Variants in TTC29 observed in about 807,000 individuals in gnomAD.
TTC29 encodes the protein tetratricopeptide repeat protein 29.
A neutral mutation model predicts 58.1 loss-of-function variants in TTC29; 49 were observed. The ratio of observed to expected loss-of-function variants is 0.84; its 90% CI spans 0.67 to 1.07. The LOEUF is 1.07. Ranked by LOEUF, TTC29 falls within the 50% of genes least tolerant of loss-of-function variation. The pLI, the probability that TTC29 is intolerant of heterozygous loss-of-function variation, is 0.00. For missense variants in TTC29, 582 were observed against 555.6 expected (o/e 1.05, Z -0.48); for synonymous variants, 209 against 196.8 (o/e 1.06, Z -0.52).
At chr4:146,817,723 A>G (rs1751510640) in intron 10 of TTC29, among the ~76,000 whole-genome samples, 1 of 152,238 alleles carries the variant, frequency 6.6e-6, no homozygotes, top group African/African-American at 2.4e-5. Context: ...TGGTACTTGT[A>G]CCAAAACAGA....
rs77676808 is a variant in TTC29, at chr4:146,726,997, C to T, written c.1331-19446G>A. Among the ~76,000 whole-genome samples the T allele has an allele frequency of 5.5e-3, 831 of 151,874 alleles. 61 individuals carry two copies. The East Asian group carries it at 0.13, about 24-fold the overall frequency. ...TTGATCCCACTTACTTACTTCCTTT[C>T]CTCTAGAGGCAACCACTGTTACTGT... On this transcript the variant is annotated intron_variant, in intron 11 of 12. Coordinates refer to ENST00000325106, the MANE Select transcript of TTC29 (RefSeq NM_031956.4).
intron 6 of TTC29, among the ~76,000 whole-genome samples, chr4:146,895,140 G>C (rs751611637): frequency 6.6e-6 from 1 of 152,158 alleles, no homozygotes; most frequent in African/African-American, 2.4e-5. Flanking sequence ...CTATGTCCCT[G>C]CAAGGGACAT....
At position 146,935,813 on chromosome 4, in the gene TTC29, T is replaced by C. The variant is rs1035162883; in HGVS notation, c.176+1781A>G. 3.9e-4 allele frequency among the ~76,000 whole-genome samples: 60 copies of C among 152,354 alleles called. 1 individual carries two copies. The highest frequency in any genetic ancestry group is 1.4e-3 in the African/African-American group (57 of 41,582). Reference sequence around the variant, plus strand: ...TAAATGTTTGTTGATCAATTTATCTTTTTAGAGCTGAATGGCTATAAAGAG... The same window carrying C: ...TAAATGTTTGTTGATCAATTTATCTCTTTAGAGCTGAATGGCTATAAAGAG... On this transcript the variant is annotated intron_variant, in intron 4 of 12. Transcript: ENST00000325106.
intron 4 of TTC29, among the ~76,000 whole-genome samples, chr4:146,911,231 A>G (rs1733876035): frequency 6.6e-6 from 1 of 152,174 alleles, no homozygotes; most frequent in South Asian, 2.1e-4. Context: ...AAGGGACTTA[A>G]TATTCCAGTG....
At chr4:146,763,438 A>G (rs1488676704) in intron 11 of TTC29, among the ~76,000 whole-genome samples, 3 of 152,060 alleles carry the variant, frequency 2.0e-5, no homozygotes, top group Non-Finnish European at 4.4e-5. Flanking sequence ...TATAGATCTC[A>G]GGCCTCCCAG....
intron 11 of TTC29, among the ~76,000 whole-genome samples, chr4:146,741,485 T>C (rs1278645675): frequency 6.6e-6 from 1 of 151,584 alleles, no homozygotes; most frequent in East Asian, 1.9e-4. Context: ...TAAAAAATTG[T>C]TCTTTTTTTT....
rs528127988 is a variant in TTC29, at chr4:146,831,270, T to C, written c.977+2536A>G. On this transcript the variant is annotated intron_variant, in intron 9 of 12. Transcript: ENST00000325106. ...AGTAGATGGGAATTCTTTTTTTAAT[T>C]AATTAAAAAAAATAGATAGGTTCTC... is the stretch of plus-strand genomic sequence containing the variant. 2.1e-4 allele frequency among the ~76,000 whole-genome samples: 32 copies of C among 152,204 alleles called. No homozygotes were observed. In the South Asian group the frequency reaches 6.7e-3, roughly 32 times the overall value.
At chr4:146,917,612 A>ATAATATCTAATTGGATATT (rs1229139204) in intron 4 of TTC29, among the ~76,000 whole-genome samples, 1 of 144,386 alleles carries the variant, frequency 6.9e-6, no homozygotes, top group Non-Finnish European at 1.5e-5. Context: ...TATTATTTAT[A>ATAATATCTAATTGGATATT]ATATATAATT....
intron 10 of TTC29, among the ~76,000 whole-genome samples, chr4:146,807,381 A>T (rs1356566306): frequency 6.6e-6 from 1 of 152,206 alleles, no homozygotes; most frequent in African/African-American, 2.4e-5. Context: ...GCAAGAAATA[A>T]ATAAGATCAG....
intron 11 of TTC29, among the ~76,000 whole-genome samples, chr4:146,737,600 G>GT (rs1475013610): frequency 1.4e-5 from 2 of 147,628 alleles, no homozygotes; most frequent in African/African-American, 2.6e-5. Flanking sequence ...TGGGGGGGGG[G>GT]GGGCTACAAA....
chr4:146,799,655 T>G (rs1750076534), intron 11 of TTC29, among the ~76,000 whole-genome samples: 1 of 152,188 alleles, frequency 6.6e-6, no homozygotes, highest in South Asian at 2.1e-4. Context: ...CTACTATATT[T>G]CTATAGTCAG....
chr4:146,741,100 T>A (rs1745108301), intron 11 of TTC29, among the ~76,000 whole-genome samples: 1 of 152,214 alleles, frequency 6.6e-6, no homozygotes, highest in Non-Finnish European at 1.5e-5. Context: ...CCCAGTAGTG[T>A]GAACCTTACT....
intron 4 of TTC29, among the ~76,000 whole-genome samples, chr4:146,915,529 A>G (rs1734166015): frequency 6.6e-6 from 1 of 152,076 alleles, no homozygotes; most frequent in Non-Finnish European, 1.5e-5. Context: ...CTCTAACGGG[A>G]AAAACACTGA....
intron 11 of TTC29, among the ~76,000 whole-genome samples, chr4:146,763,338 T>C (rs555593908): frequency 1.9e-4 from 29 of 152,236 alleles, no homozygotes; most frequent in African/African-American, 6.5e-4. Context: ...TCCCACAGAC[T>C]TTCCCATTCT....
chr4:146,797,832 T>TTATATATATA (rs70958528), intron 11 of TTC29, among the ~76,000 whole-genome samples: 3,083 of 129,740 alleles, frequency 0.024, 36 homozygotes, highest in African/African-American at 0.035. Flanking sequence ...TTACTTTGTT[T>TTATATATATA]TATATATATA....
intron 11 of TTC29, among the ~76,000 whole-genome samples, chr4:146,760,685 G>A (rs973058335): frequency 2.0e-5 from 3 of 150,928 alleles, no homozygotes; most frequent in Admixed American, 6.6e-5. Flanking sequence ...ATAAAGTGGG[G>A]AAAGGACACC....
chr4:146,720,353 G>C (rs1322563791), intron 11 of TTC29, among the ~76,000 whole-genome samples: 1 of 152,018 alleles, frequency 6.6e-6, no homozygotes, highest in Non-Finnish European at 1.5e-5. Context: ...TTGCATTAAA[G>C]AAAAACCCCC....
chr4:146,770,681 C>G (rs931211095), intron 11 of TTC29, among the ~76,000 whole-genome samples: 2 of 152,000 alleles, frequency 1.3e-5, no homozygotes, highest in African/African-American at 2.4e-5. Context: ...ATTCTGCAAT[C>G]AAACAAACCT....
intron 7 of TTC29, among the ~76,000 whole-genome samples, chr4:146,868,305 T>C (rs1298209258): frequency 6.6e-6 from 1 of 152,036 alleles, no homozygotes; most frequent in Non-Finnish European, 1.5e-5. Context: ...CACACCAGCA[T>C]GGCACCTGTA....
Sources: gnomAD v4.1 joint callset for allele counts (sites outside exome capture counted in the v4.1 genomes callset) on GRCh38, gnomAD v4.1.1 for gene constraint, MANE v1.5 for transcripts, NCBI Gene and HGNC (gene_info 2026-07-23, HGNC 2026-07-21) for gene names.